Variants in SPNS1 observed in about 807,000 individuals in gnomAD.
SPNS1 encodes the protein SPNS lysolipid transporter 1, lysophospholipid, also known as protein spinster homolog 1.
SPNS1 carries 22 observed loss-of-function variants against 50.3 expected under a neutral mutation model. That is an observed-to-expected ratio of 0.44 (90% confidence interval 0.31 to 0.62). The LOEUF (loss-of-function observed/expected upper bound fraction) is 0.62, where lower values mean the gene tolerates loss of function less well. Among genes scored for constraint, SPNS1 ranks in the 20% least tolerant of loss-of-function variants. The pLI, the probability that SPNS1 is intolerant of heterozygous loss-of-function variation, is 0.07. For synonymous variants in SPNS1, 295 were observed against 317.4 expected, an observed-to-expected ratio of 0.93 and a Z score of 0.75; for missense variants, 576 against 728.6, an observed-to-expected ratio of 0.79 and a Z score of 2.41.
intron 2 of SPNS1, 44 bp from the exon 3 acceptor site, chr16:28,977,864 G>T: frequency 1.9e-6 from 3 of 1,602,420 alleles, no homozygotes; most frequent in Non-Finnish European, 2.6e-6. Flanking sequence ...GGAGTGGGAG[G>T]TAGGGGTACC....
Position 28,975,257 on chromosome 16 carries a change from T to A in SPNS1, c.106T>A (p.Ser36Thr), listed in dbSNP as rs919666255. The change falls in exon 1 of 12, where the codon TCC (serine) becomes ACC (threonine). Residue 36 changes from serine to threonine, a missense_variant. Transcript: ENST00000311008. ...GCCAGGGTCCACGGGGAACCCGAAG[T>A]CCGAGGAGCCCGAGGTCCCGGACCA... ...GLPGSTGNPK[S>T]EEPEVPDQEG... The A allele has an allele frequency of 2.6e-6, 4 of 1,550,472 alleles. No individual in the cohort carries two copies. In the African/African-American group the frequency reaches 5.5e-5, roughly 21 times the overall value.
At chr16:28,977,509 C>T (rs889396250) in intron 2 of SPNS1, among the ~76,000 whole-genome samples, 1 of 151,896 alleles carries the variant, frequency 6.6e-6, no homozygotes, top group Non-Finnish European at 1.5e-5. Context: ...TGCCTAAACC[C>T]CTAGTGGTAT....
In SPNS1 at chr16:28,975,141, C is replaced by T; in HGVS notation, c.-11C>T. On this transcript the variant is annotated 5_prime_UTR_variant, in exon 1 of 12. Coordinates refer to ENST00000311008, the MANE Select transcript of SPNS1 (RefSeq NM_032038.3). ...GGACCGGAGCGCGGGCGGGCGCGGC[C>T]CCCCGGGACCATGGCCGGGTCCGAC... 1.4e-6 allele frequency: 2 copies of T among 1,474,072 alleles called. No individual in the cohort carries two copies. The highest frequency in any genetic ancestry group is 1.8e-6 in the Non-Finnish European group (2 of 1,116,714). 91.3% of individuals were successfully genotyped at this position (1,474,072 alleles called of 1,614,324 possible).
Position 28,975,142 on chromosome 16 carries a change from C to G in SPNS1, c.-10C>G. On this transcript the variant is annotated 5_prime_UTR_variant, in exon 1 of 12. Transcript: ENST00000311008. ...GACCGGAGCGCGGGCGGGCGCGGCC[C>G]CCCGGGACCATGGCCGGGTCCGACA... 1 of 1,482,142 alleles carries G rather than the reference C, an allele frequency of 6.7e-7. No homozygotes were observed. The highest frequency in any genetic ancestry group is 2.3e-5 in the Admixed American group (1 of 42,648). The allele number at this position is 1,482,142 out of a possible 1,614,324, so 91.8% of individuals were successfully genotyped here.
intron 3 of SPNS1, among the ~76,000 whole-genome samples, 165 bp from the exon 4 acceptor site, chr16:28,978,990 T>C (rs1042916154): frequency 6.6e-6 from 1 of 152,142 alleles, no homozygotes; most frequent in Non-Finnish European, 1.5e-5. Context: ...TTTCCCCAAA[T>C]CGCAGCTAGT....
intron 7 of SPNS1, 107 bp from the exon 8 acceptor site, chr16:28,982,249 G>A (rs1965578684): frequency 7.2e-7 from 1 of 1,382,530 alleles, no homozygotes. Flanking sequence ...CCAACCATGG[G>A]GTGCTGTGTC....
At position 28,984,498 on chromosome 16, in the gene SPNS1, C is replaced by T; in HGVS notation, c.*199C>T. The T allele has an allele frequency of 1.5e-6, 1 of 687,326 alleles. No homozygotes were observed. Among genetic ancestry groups the T allele is most frequent in the Middle Eastern group, 2.3e-4 (1 of 4,260 alleles). The allele number at this position is 687,326 out of a possible 1,614,324, so 42.6% of individuals were successfully genotyped here. A position where few individuals can be genotyped will look rare whatever the true frequency, so the allele number is the denominator to read the frequency against. On this transcript the variant is annotated 3_prime_UTR_variant, in exon 12 of 12. Coordinates refer to ENST00000311008, the MANE Select transcript of SPNS1 (RefSeq NM_032038.3). ...GGGATCCCTCTCCACAGGGGCAGCC[C>T]CAAGGGCTCGGTGCTATTTGTAACG...
Position 28,981,309 on chromosome 16 carries a change from C to A in SPNS1, c.664-161C>A. The stretch of plus-strand genomic sequence containing the variant: ...GCAAAAATAGGGTGGCCCCTAGTGG[C>A]AGCCCCCTTCCCCCAGATTGCAGGT... On this transcript the variant is annotated intron_variant, in intron 5 of 11. Coordinates refer to ENST00000311008, the MANE Select transcript of SPNS1 (RefSeq NM_032038.3). The surrounding 1 kb of genome is among the most constrained non-coding windows in gnomAD (Gnocchi z 4.2). 1.1e-6 allele frequency: 1 copy of A among 903,252 alleles called. No homozygotes were observed. The highest frequency in any genetic ancestry group is 1.6e-6 in the Non-Finnish European group (1 of 612,644). 56.0% of individuals were successfully genotyped at this position (903,252 alleles called of 1,614,324 possible).
Position 28,981,690 on chromosome 16 carries a change from C to A in SPNS1, c.809+75C>A. On this transcript the variant is annotated intron_variant, in intron 6 of 11. Transcript: ENST00000311008. This position sits in a 1 kb window ranked among gnomAD's most constrained non-coding sequence, Gnocchi z 4.2. ...GTTTGAGGTTTAAGTGGGGATGTTCCTGTTCCTGGCCACACCCCAAGGCCA... is the reference window on the plus strand; with the variant it reads ...GTTTGAGGTTTAAGTGGGGATGTTCATGTTCCTGGCCACACCCCAAGGCCA... The A allele has an allele frequency of 1.3e-6, 2 of 1,575,644 alleles. No homozygotes were observed. Among genetic ancestry groups the A allele is most frequent in the East Asian group, 2.2e-5 (1 of 44,502 alleles).
chr16:28,976,098 C>G (rs1377741691), intron 2 of SPNS1, among the ~76,000 whole-genome samples: 2 of 152,020 alleles, frequency 1.3e-5, no homozygotes, highest in African/African-American at 2.4e-5. Flanking sequence ...ATGACGAAAC[C>G]CCATCTGTAC....
In SPNS1 at chr16:28,981,731, C is replaced by G; in HGVS notation, c.809+116C>G. On this transcript the variant is annotated intron_variant, in intron 6 of 11. Coordinates refer to ENST00000311008, the MANE Select transcript of SPNS1 (RefSeq NM_032038.3). The surrounding 1 kb of genome is among the most constrained non-coding windows in gnomAD (Gnocchi z 4.2). ...CCCAAGGCCAGTAATTCGGTCGATA[C>G]TGTCCCCTTGTGGCAGCTGCTTGAA... 1.3e-6 allele frequency: 2 copies of G among 1,505,036 alleles called. No homozygotes were observed. The highest frequency in any genetic ancestry group is 1.8e-6 in the Non-Finnish European group (2 of 1,108,400). The allele number at this position is 1,505,036 out of a possible 1,614,324, so 93.2% of individuals were successfully genotyped here.
At chr16:28,980,854 G>A (rs1965523526) in intron 5 of SPNS1, among the ~76,000 whole-genome samples, 2 of 147,934 alleles carry the variant, frequency 1.4e-5, no homozygotes, top group South Asian at 2.1e-4. Flanking sequence ...ACTCTGTCTC[G>A]AAAACAAACA....
At position 28,974,864 on chromosome 16, in the gene SPNS1, GT is replaced by G. The variant is rs1965275157; in HGVS notation, c.-287del. On this transcript the variant is annotated 5_prime_UTR_variant, in exon 1 of 12. An upstream open reading frame in the 5' UTR loses its in-frame stop. Transcript: ENST00000311008. ...CAAGTGCAGCGGGCTCCTACCCCGGGTGAGGGGTGGCCTCCGCGTGGGATCG... is the reference window on the plus strand; with the variant it reads ...CAAGTGCAGCGGGCTCCTACCCCGGGGAGGGGTGGCCTCCGCGTGGGATCG... The G allele has an allele frequency of 2.0e-6, 3 of 1,535,306 alleles. No individual in the cohort carries two copies. Among genetic ancestry groups the G allele is most frequent in the African/African-American group, 2.7e-5 (2 of 73,154 alleles).
chr16:28,980,524 GCGTGCAGGTGACA>G (rs1463070024), intron 5 of SPNS1: 2 of 151,954 alleles, frequency 1.3e-5, no homozygotes, highest in Non-Finnish European at 2.9e-5. Context: ...CAGAATTCTT[GCGTGCAGGTGACA>G]GAAGCCCATT....
At chr16:28,984,154 T>G (rs1022794339) in intron 11 of SPNS1, 51 bp from the exon 12 acceptor site, 1 of 1,519,430 alleles carries the variant, frequency 6.6e-7, no homozygotes, top group Non-Finnish European at 8.9e-7. Flanking sequence ...CTTCTCTGGC[T>G]TTGTCTGTCT....
rs756012730 is a variant in SPNS1 at position 28,984,356 on chromosome 16, C to T, written c.*57C>T. ...CACAGCTGGCCCTGGGCCCACCCCA[C>T]GAAGGGCCTGGGCCTAACCCCTTGG... is the stretch of plus-strand genomic sequence containing the variant. On this transcript the variant is annotated 3_prime_UTR_variant, in exon 12 of 12. Coordinates refer to ENST00000311008, the MANE Select transcript of SPNS1 (RefSeq NM_032038.3). 1.9e-5 allele frequency: 30 copies of T among 1,544,476 alleles called. No homozygotes were observed. The South Asian group carries it at 2.5e-4, about 13-fold the overall frequency.
In SPNS1 at chr16:28,974,859, C is replaced by G. The variant is rs966072502; in HGVS notation, c.-293C>G. ...GACAGCAAGTGCAGCGGGCTCCTACCCCGGGTGAGGGGTGGCCTCCGCGTG... is the reference window on the plus strand; with the variant it reads ...GACAGCAAGTGCAGCGGGCTCCTACGCCGGGTGAGGGGTGGCCTCCGCGTG... On this transcript the variant is annotated 5_prime_UTR_variant, in exon 1 of 12. Coordinates refer to ENST00000311008, the MANE Select transcript of SPNS1 (RefSeq NM_032038.3). The G allele has an allele frequency of 4.6e-6, 7 of 1,535,322 alleles. No homozygotes were observed. In the Admixed American group the frequency reaches 1.2e-4, roughly 26 times the overall value.
At position 28,975,557 on chromosome 16, in the gene SPNS1, G is replaced by A; in HGVS notation, c.307G>A (p.Val103Met). Residue 103 changes from valine to methionine, a missense_variant and splice_region_variant, in exon 2 of 12, where the codon GTG (valine) becomes ATG (methionine). Around this residue, in one of 3 missense-constraint regions of SPNS1, gnomAD observed 144 missense variants for 181.2 expected, o/e 0.79. Coordinates refer to ENST00000311008, the MANE Select transcript of SPNS1 (RefSeq NM_032038.3). ...GDSSSGLIQT[V>M]FISSYMVLAP... is the part of the protein sequence containing the mutation. ...CAGTAGCTCTGGGCTCATCCAGACC[G>A]GTGAGTGGGGACCACTCCTGGTCAC... 1.9e-6 allele frequency: 3 copies of A among 1,614,138 alleles called. No individual in the cohort carries two copies. The highest frequency in any genetic ancestry group is 1.7e-6 in the Non-Finnish European group (2 of 1,180,006).
chr16:28,976,543 G>A (rs1192477861), intron 2 of SPNS1, among the ~76,000 whole-genome samples: 1 of 152,154 alleles, frequency 6.6e-6, no homozygotes, highest in Admixed American at 6.5e-5. Flanking sequence ...AGGTGTTACT[G>A]TTCCTATTTT....
Sources: allele counts gnomAD v4.1 joint callset (sites outside exome capture counted in the v4.1 genomes callset), GRCh38; gene constraint gnomAD v4.1.1; regional missense constraint gnomAD v4.1.1; non-coding constraint Gnocchi (gnomAD v3.1); transcripts MANE v1.5; gene names NCBI Gene and HGNC (gene_info 2026-07-23, HGNC 2026-07-21).